Variants in MAD1L1 observed in about 807,000 individuals in gnomAD.
MAD1L1 encodes mitotic spindle assembly checkpoint protein MAD1.
Under a neutral mutation model 96.9 loss-of-function variants are expected in MAD1L1, and 95 were observed. The ratio of observed to expected loss-of-function variants is 0.98; its 90% CI spans 0.83 to 1.16. The LOEUF (loss-of-function observed/expected upper bound fraction) is 1.16. Among genes scored for constraint, MAD1L1 ranks in the 50% most tolerant of loss-of-function variants. The pLI is 0.00. For synonymous variants in MAD1L1, 473 were observed against 396.6 expected (o/e 1.19, Z -2.29); for missense variants, 1,007 against 954.4 (o/e 1.06, Z -0.73).
intron 6 of MAD1L1, 83 bp from the exon 7 acceptor site, chr7:2,218,126 C>G: frequency 3.0e-6 from 3 of 1,015,698 alleles, no homozygotes; most frequent in Non-Finnish European, 4.7e-6. Context: ...CCCGCCCCAG[C>G]ACAGACCCAC....
intron 18 of MAD1L1, among the ~76,000 whole-genome samples, chr7:1,861,469 C>T (rs1784543785): frequency 1.9e-5 from 2 of 107,538 alleles, no homozygotes; most frequent in Non-Finnish European, 4.0e-5. Flanking sequence ...ACTGCTCCGC[C>T]TGCCCCCTGG....
intron 18 of MAD1L1, among the ~76,000 whole-genome samples, chr7:1,882,310 G>C (rs1307686320): frequency 2.0e-5 from 3 of 152,240 alleles, no homozygotes; most frequent in African/African-American, 7.2e-5. Flanking sequence ...GAAGCAACAA[G>C]ATGGGACGTG....
intron 13 of MAD1L1, among the ~76,000 whole-genome samples, chr7:2,009,106 C>T (rs1367292486): frequency 6.6e-6 from 1 of 152,310 alleles, no homozygotes; most frequent in Non-Finnish European, 1.5e-5. Flanking sequence ...CAGCTCTTTC[C>T]GGGTGGGACC....
At chr7:2,223,064 G>A (rs1793695645) in intron 4 of MAD1L1, among the ~76,000 whole-genome samples, 1 of 152,172 alleles carries the variant, frequency 6.6e-6, no homozygotes, top group Non-Finnish European at 1.5e-5. Flanking sequence ...GAGGGGGCAT[G>A]GGAAATCTAA....
intron 12 of MAD1L1, among the ~76,000 whole-genome samples, chr7:2,064,362 G>A (rs1368925131): frequency 6.6e-6 from 1 of 152,112 alleles, no homozygotes; most frequent in African/African-American, 2.4e-5. Context: ...ACGCGCAGGG[G>A]TCCCTGAGCT....
chr7:1,966,567 A>G (rs1780175333), intron 15 of MAD1L1, among the ~76,000 whole-genome samples: 1 of 138,994 alleles, frequency 7.2e-6, no homozygotes, highest in African/African-American at 2.7e-5. Context: ...TGGCAAAAAA[A>G]AAAAAAAAAC....
intron 11 of MAD1L1, among the ~76,000 whole-genome samples, chr7:2,124,238 A>G (rs1584379962): frequency 6.6e-6 from 1 of 152,282 alleles, no homozygotes; most frequent in East Asian, 1.9e-4. Context: ...CGAGACATGG[A>G]GAGGAGGCAA....
chr7:1,928,830 G>A (rs1448714717), intron 17 of MAD1L1, among the ~76,000 whole-genome samples: 1 of 152,172 alleles, frequency 6.6e-6, no homozygotes, highest in East Asian at 1.9e-4. Flanking sequence ...CAGCTGGCTT[G>A]GCACTGCCAG....
intron 17 of MAD1L1, among the ~76,000 whole-genome samples, chr7:1,910,472 C>A (rs1787944150): frequency 6.6e-6 from 1 of 152,210 alleles, no homozygotes; most frequent in South Asian, 2.1e-4. Context: ...GTTGAGGGGA[C>A]CCCTTGAACA....
At chr7:2,002,864 C>T (rs952402363) in intron 13 of MAD1L1, among the ~76,000 whole-genome samples, 2 of 152,216 alleles carry the variant, frequency 1.3e-5, no homozygotes, top group South Asian at 2.1e-4. Context: ...CGGAGACCCC[C>T]GCCCTGGGCC....
chr7:1,856,634 G>A (rs1343710250), intron 18 of MAD1L1, among the ~76,000 whole-genome samples: 1 of 152,154 alleles, frequency 6.6e-6, no homozygotes, highest in Non-Finnish European at 1.5e-5. Flanking sequence ...AGTTCAGGAG[G>A]AGCTGCTCGC....
intron 18 of MAD1L1, among the ~76,000 whole-genome samples, chr7:1,826,335 C>T (rs917682407): frequency 6.6e-6 from 1 of 152,138 alleles, no homozygotes; most frequent in African/African-American, 2.4e-5. Flanking sequence ...TGTATTACCT[C>T]GGCCGAGGGC....
chr7:2,077,352 C>T (rs1562664467), intron 11 of MAD1L1, among the ~76,000 whole-genome samples: 1 of 152,166 alleles, frequency 6.6e-6, no homozygotes, highest in Non-Finnish European at 1.5e-5. Context: ...TTAATCATCT[C>T]GATTTTACAG....
intron 16 of MAD1L1, among the ~76,000 whole-genome samples, chr7:1,951,712 G>A (rs994446266): frequency 6.6e-6 from 1 of 152,128 alleles, no homozygotes; most frequent in Non-Finnish European, 1.5e-5. Context: ...GGACTGGCCG[G>A]TTTCACCCAG....
intron 13 of MAD1L1, among the ~76,000 whole-genome samples, chr7:2,013,093 C>A (rs1782374365): frequency 1.3e-5 from 2 of 152,278 alleles, no homozygotes; most frequent in South Asian, 2.1e-4. Flanking sequence ...CCCAGCAGCT[C>A]GGCTCCAGGG....
At chr7:1,933,125 T>C (rs1789575965) in intron 17 of MAD1L1, among the ~76,000 whole-genome samples, 1 of 152,206 alleles carries the variant, frequency 6.6e-6, no homozygotes, top group Non-Finnish European at 1.5e-5. Flanking sequence ...TTCTCTGCGT[T>C]TCGCTGTGCT....
intron 10 of MAD1L1, among the ~76,000 whole-genome samples, chr7:2,177,770 C>G (rs935806762): frequency 3.1e-4 from 47 of 152,340 alleles, no homozygotes; most frequent in African/African-American, 1.1e-3. Flanking sequence ...CTGCTCGACT[C>G]TGTAAACGCC....
At chr7:2,228,377 G>A (rs908839843) in intron 3 of MAD1L1, among the ~76,000 whole-genome samples, 17 of 152,144 alleles carry the variant, frequency 1.1e-4, no homozygotes, top group African/African-American at 3.9e-4. Context: ...TCCTGCCTCA[G>A]CCTCCCGAGT....
intron 14 of MAD1L1, among the ~76,000 whole-genome samples, chr7:1,981,609 G>T (rs533773519): frequency 6.6e-6 from 1 of 152,130 alleles, no homozygotes; most frequent in Non-Finnish European, 1.5e-5. Flanking sequence ...AGCTCACTCC[G>T]TCACGAAGGG....
Sources: allele counts gnomAD v4.1 joint callset (sites outside exome capture counted in the v4.1 genomes callset), GRCh38; gene constraint gnomAD v4.1.1; transcripts MANE v1.5; gene names NCBI Gene and HGNC (gene_info 2026-07-23, HGNC 2026-07-21).